MSRA: variants seen among roughly 807,000 people sequenced by gnomAD.
MSRA encodes mitochondrial peptide methionine sulfoxide reductase.
A neutral mutation model predicts 31.3 loss-of-function variants in MSRA; 54 were observed. The observed-to-expected ratio is 1.73, with a 90% confidence interval of 1.39 to 2.17. MSRA has a LOEUF of 2.17. Among genes scored for constraint, MSRA ranks in the 30% most tolerant of loss-of-function variants. The pLI, the probability that MSRA is intolerant of heterozygous loss-of-function variation, is 0.00. For synonymous variants in MSRA, 169 were observed against 116.5 expected, an observed-to-expected ratio of 1.45 and a Z score of -2.90; for missense variants, 507 against 300.9, an observed-to-expected ratio of 1.69 and a Z score of -5.07.
intron 5 of MSRA, among the ~76,000 whole-genome samples, chr8:10,367,730 G>A (rs2129168589): frequency 6.6e-6 from 1 of 152,334 alleles, no homozygotes; most frequent in East Asian, 1.9e-4. Flanking sequence ...TCTGTCTCCG[G>A]CGCTGGCTGG....
At chr8:10,067,517 T>C (rs1369110114) in intron 1 of MSRA, among the ~76,000 whole-genome samples, 1 of 152,228 alleles carries the variant, frequency 6.6e-6, no homozygotes, top group Non-Finnish European at 1.5e-5. Context: ...TTTTGTGTGG[T>C]CATAAGTTTT....
At chr8:10,167,878 C>G (rs181151478) in intron 1 of MSRA, among the ~76,000 whole-genome samples, 2 of 152,266 alleles carry the variant, frequency 1.3e-5, no homozygotes, top group Admixed American at 1.3e-4. Flanking sequence ...AAAACATTGC[C>G]ACTGCCCTAG....
At chr8:10,096,053 T>C in intron 1 of MSRA, 3 of 1,407,948 alleles carry the variant, frequency 2.1e-6, no homozygotes, top group Non-Finnish European at 2.8e-6. Flanking sequence ...CGTAAGTTTT[T>C]AGATTTTATT....
intron 3 of MSRA, among the ~76,000 whole-genome samples, chr8:10,264,890 G>T (rs1190570149): frequency 6.6e-6 from 1 of 152,140 alleles, no homozygotes; most frequent in Admixed American, 6.5e-5. Flanking sequence ...CAGGGTGGGG[G>T]TCAGGTTGGC....
At chr8:10,069,287 A>C (rs1198010050) in intron 1 of MSRA, among the ~76,000 whole-genome samples, 1 of 152,212 alleles carries the variant, frequency 6.6e-6, no homozygotes, top group Non-Finnish European at 1.5e-5. Context: ...TAGGACTTCT[A>C]GTATGATGCT....
chr8:10,327,760 C>T (rs974145145), intron 5 of MSRA, among the ~76,000 whole-genome samples: 2 of 152,154 alleles, frequency 1.3e-5, no homozygotes, highest in African/African-American at 2.4e-5. Context: ...GGTGAAACCC[C>T]GTCTCTACTA....
intron 5 of MSRA, among the ~76,000 whole-genome samples, chr8:10,352,248 T>A (rs887601762): frequency 1.2e-4 from 18 of 152,222 alleles, no homozygotes; most frequent in Admixed American, 5.2e-4. Context: ...AATCCTTAAA[T>A]TCTCATATAT....
intron 1 of MSRA, among the ~76,000 whole-genome samples, chr8:10,100,138 C>T (rs1303964651): frequency 6.6e-6 from 1 of 152,146 alleles, no homozygotes; most frequent in Non-Finnish European, 1.5e-5. Flanking sequence ...ACTGCAATAT[C>T]AGCAACCGCA....
chr8:10,390,403 G>T (rs931688445), intron 5 of MSRA, among the ~76,000 whole-genome samples: 5 of 152,154 alleles, frequency 3.3e-5, no homozygotes, highest in African/African-American at 1.2e-4. Flanking sequence ...ACTGACCTAG[G>T]CTCCATGTCT....
intron 4 of MSRA, among the ~76,000 whole-genome samples, chr8:10,309,158 G>A (rs772375911): frequency 6.6e-6 from 1 of 152,234 alleles, no homozygotes; most frequent in African/African-American, 2.4e-5. Context: ...AACTCATCAT[G>A]AGGTAAAATC....
At chr8:10,200,121 A>G (rs1326786691) in intron 1 of MSRA, among the ~76,000 whole-genome samples, 1 of 152,184 alleles carries the variant, frequency 6.6e-6, no homozygotes, top group Non-Finnish European at 1.5e-5. Context: ...TGAGCTGGGC[A>G]TCGGCTCCAT....
intron 5 of MSRA, among the ~76,000 whole-genome samples, chr8:10,392,818 G>A (rs1207302002): frequency 1.3e-5 from 2 of 149,798 alleles, no homozygotes; most frequent in African/African-American, 2.5e-5. Flanking sequence ...AGGCTGAGAC[G>A]GGCGTATCAC....
At chr8:10,327,208 G>T (rs34113732) in intron 5 of MSRA, among the ~76,000 whole-genome samples, 40,806 of 152,092 alleles carry the variant, frequency 0.27, 5,962 homozygotes, top group East Asian at 0.39. Context: ...ATATAAAACA[G>T]TGTTTTAAAG....
chr8:10,408,885 A>G (rs1018480131), intron 5 of MSRA, among the ~76,000 whole-genome samples: 10 of 152,228 alleles, frequency 6.6e-5, no homozygotes, highest in African/African-American at 2.2e-4. Context: ...ACATTGCTGC[A>G]AAAGACATGA....
intron 3 of MSRA, among the ~76,000 whole-genome samples, chr8:10,270,153 C>G (rs1221711068): frequency 1.3e-5 from 2 of 152,156 alleles, no homozygotes; most frequent in African/African-American, 4.8e-5. Context: ...GAGCTTTGGT[C>G]TTTCCTTAAT....
chr8:10,146,503 G>A (rs1263524913), intron 1 of MSRA, among the ~76,000 whole-genome samples: 4 of 152,202 alleles, frequency 2.6e-5, no homozygotes, highest in Non-Finnish European at 5.9e-5. Context: ...GTGAGTGGCT[G>A]CTGAGGGCCG....
chr8:10,254,989 C>T (rs1585286126), intron 3 of MSRA, among the ~76,000 whole-genome samples: 2 of 152,190 alleles, frequency 1.3e-5, no homozygotes, highest in South Asian at 4.1e-4. Flanking sequence ...TTTTATTAGG[C>T]ATTACAATCT....
chr8:10,164,034 A>G (rs1031762749), intron 1 of MSRA, among the ~76,000 whole-genome samples: 1 of 152,244 alleles, frequency 6.6e-6, no homozygotes, highest in African/African-American at 2.4e-5. Flanking sequence ...CTTATCTTGT[A>G]CTTGATTCTT....
At chr8:10,147,857 G>A (rs13249013) in intron 1 of MSRA, among the ~76,000 whole-genome samples, 91,454 of 152,038 alleles carry the variant, frequency 0.6, 27,804 homozygotes, top group Middle Eastern at 0.67. Context: ...ACCGCCCTTC[G>A]ACTCTGAGCA....
Sources: gnomAD v4.1 joint callset for allele counts (sites outside exome capture counted in the v4.1 genomes callset) on GRCh38, gnomAD v4.1.1 for gene constraint, MANE v1.5 for transcripts, NCBI Gene and HGNC (gene_info 2026-07-23, HGNC 2026-07-21) for gene names.